COL24A1: variants seen among roughly 807,000 people sequenced by gnomAD.
COL24A1 encodes the protein collagen type XXIV alpha 1 chain, also known as collagen alpha-1(XXIV) chain.
A neutral mutation model predicts 253.9 loss-of-function variants in COL24A1; 224 were observed. The observed-to-expected ratio is 0.88, with a 90% CI of 0.79 to 0.99. The LOEUF is 0.99. COL24A1 is among the 50% of genes least tolerant of loss of function. The pLI is 0.00. For missense variants in COL24A1, 2,131 were observed against 2,068.5 expected (o/e 1.03, Z -0.59); for synonymous variants, 685 against 673.7 (o/e 1.02, Z -0.26).
chr1:85,941,738 G>A (rs6699709), intron 24 of COL24A1, among the ~76,000 whole-genome samples: 102,623 of 151,996 alleles, frequency 0.68, 34,931 homozygotes, highest in East Asian at 0.79. Context: ...CAGGAAGCAG[G>A]CTTTGTGACC....
intron 39 of COL24A1, 38 bp from the exon 40 acceptor site, chr1:85,842,431 T>C (rs759260231): frequency 1.1e-5 from 14 of 1,288,274 alleles, no homozygotes; most frequent in Non-Finnish European, 1.6e-5. Flanking sequence ...AGAGAGAAAG[T>C]AAAGAATTGT....
chr1:85,872,347 T>C (rs947030967), intron 35 of COL24A1, among the ~76,000 whole-genome samples: 2 of 152,116 alleles, frequency 1.3e-5, no homozygotes, highest in African/African-American at 4.8e-5. Flanking sequence ...AAAACTACTT[T>C]AAAGTTCATA....
In COL24A1 at chr1:85,889,027, C is replaced by T. The variant is rs149088991; in HGVS notation, c.2976+533G>A. On this transcript the variant is annotated intron_variant, in intron 32 of 59. Transcript: ENST00000370571. ...TGTGACAGGTCTTTCCTTTTCACAACGTACCGTCCATGGAAACTCCATAAT... is the reference window on the plus strand; with the variant it reads ...TGTGACAGGTCTTTCCTTTTCACAATGTACCGTCCATGGAAACTCCATAAT... Among the ~76,000 whole-genome samples, 288 of 152,126 alleles carry T rather than the reference C, an allele frequency of 1.9e-3. 1 individual carries two copies. Among genetic ancestry groups the T allele is most frequent in the South Asian group, 0.018 (89 of 4,814 alleles).
At chr1:85,983,787 C>T (rs1693466030) in intron 20 of COL24A1, among the ~76,000 whole-genome samples, 2 of 151,748 alleles carry the variant, frequency 1.3e-5, no homozygotes, top group Non-Finnish European at 3.0e-5. Context: ...ACAATTTCAA[C>T]AAAAATGAGA....
chr1:85,933,609 A>G (rs1687999434), intron 24 of COL24A1, among the ~76,000 whole-genome samples: 1 of 152,210 alleles, frequency 6.6e-6, no homozygotes, highest in Admixed American at 6.5e-5. Flanking sequence ...AGGCAGACTA[A>G]GGTGCTGTGA....
At chr1:86,107,920 G>C (rs1415680463) in intron 5 of COL24A1, among the ~76,000 whole-genome samples, 1 of 152,114 alleles carries the variant, frequency 6.6e-6, no homozygotes. Flanking sequence ...ATGAATTAAA[G>C]ACTATTGTTC....
At chr1:85,992,161 G>A (rs956194971) in intron 19 of COL24A1, among the ~76,000 whole-genome samples, 1 of 151,932 alleles carries the variant, frequency 6.6e-6, no homozygotes, top group African/African-American at 2.4e-5. Context: ...CTATGAGTGA[G>A]AACATGCGGT....
intron 5 of COL24A1, among the ~76,000 whole-genome samples, chr1:86,108,619 C>CAAAAGAAAA (rs1705222846): frequency 5.0e-5 from 1 of 19,966 alleles, no homozygotes; most frequent in Non-Finnish European, 9.9e-5. Context: ...CCCATCTCTA[C>CAAAAGAAAA]TAAAAAAAAA....
chr1:85,828,501 C>G (rs990120460), intron 43 of COL24A1, among the ~76,000 whole-genome samples: 3,076 of 151,368 alleles, frequency 0.02, 103 homozygotes, highest in African/African-American at 0.072. Context: ...TCTCGTTGAT[C>G]TGTCTAATGT....
chr1:85,775,653 C>A, intron 53 of COL24A1, 21 bp downstream of exon 53: 1 of 1,600,980 alleles, frequency 6.2e-7, no homozygotes, highest in Non-Finnish European at 8.5e-7. Context: ...TTACTATAAT[C>A]ACAAATTTAG....
chr1:85,990,110 A>G (rs2100950982), intron 19 of COL24A1, among the ~76,000 whole-genome samples: 1 of 152,068 alleles, frequency 6.6e-6, no homozygotes, highest in East Asian at 1.9e-4. Flanking sequence ...CTGTTGAATG[A>G]CTGGTTTGTT....
chr1:86,027,562 AT>A (rs1275468956), intron 14 of COL24A1, among the ~76,000 whole-genome samples: 4 of 152,204 alleles, frequency 2.6e-5, no homozygotes, highest in African/African-American at 9.6e-5. Context: ...ACAGAAGTCA[AT>A]AATTGAGGTT....
rs1249423453 is a variant in COL24A1 at position 85,784,245 on chromosome 1, G to A, written c.4167+14C>T. The A allele has an allele frequency of 3.1e-6, 5 of 1,612,774 alleles. No homozygotes were observed. The highest frequency in any genetic ancestry group is 1.1e-5 in the South Asian group (1 of 91,050). ...TAGAATAAATGCTTGGTGAATTTCT[G>A]AGGTGGTACATACAGGCTGCCCTTT... On this transcript the variant is annotated intron_variant, in intron 49 of 59. Transcript: ENST00000370571.
chr1:85,955,034 C>T (rs1485089709), intron 24 of COL24A1, among the ~76,000 whole-genome samples: 1 of 152,172 alleles, frequency 6.6e-6, no homozygotes, highest in Non-Finnish European at 1.5e-5. Context: ...GTGAGGGCTC[C>T]ACCCTCAGGC....
chr1:86,053,143 T>C (rs1379068679), intron 10 of COL24A1, among the ~76,000 whole-genome samples: 5 of 152,118 alleles, frequency 3.3e-5, no homozygotes, highest in African/African-American at 7.2e-5. Context: ...AGGATTATGA[T>C]GACAAGCTGT....
chr1:85,756,457 A>G (rs991708696), intron 55 of COL24A1, among the ~76,000 whole-genome samples: 2 of 152,172 alleles, frequency 1.3e-5, no homozygotes, highest in Non-Finnish European at 2.9e-5. Flanking sequence ...ACACATGAAA[A>G]TATGCTCAAC....
intron 32 of COL24A1, among the ~76,000 whole-genome samples, chr1:85,887,207 T>C (rs1337883688): frequency 6.6e-6 from 1 of 152,200 alleles, no homozygotes; most frequent in Non-Finnish European, 1.5e-5. Flanking sequence ...AAGTCAGTTT[T>C]CAATAATTAA....
intron 14 of COL24A1, chr1:86,030,711 T>C (rs1023470749): frequency 2.0e-5 from 3 of 151,704 alleles, no homozygotes; most frequent in South Asian, 2.1e-4. Flanking sequence ...AGAGCTGCCA[T>C]GCTGCCACAG....
At chr1:85,924,684 G>C (rs888888581) in intron 24 of COL24A1, among the ~76,000 whole-genome samples, 9 of 152,116 alleles carry the variant, frequency 5.9e-5, no homozygotes, top group Non-Finnish European at 1.3e-4. Flanking sequence ...AATAATAAGA[G>C]CTATTTATGA....
Sources: gnomAD v4.1 joint callset for allele counts (sites outside exome capture counted in the v4.1 genomes callset) on GRCh38, gnomAD v4.1.1 for gene constraint, MANE v1.5 for transcripts, NCBI Gene and HGNC (gene_info 2026-07-23, HGNC 2026-07-21) for gene names.